UBE2W: variants seen among roughly 807,000 people sequenced by gnomAD.
UBE2W encodes the protein ubiquitin-conjugating enzyme E2 W.
UBE2W carries 18 observed loss-of-function variants against 27.2 expected under a neutral mutation model. That is an observed-to-expected ratio of 0.66 (90% CI 0.46 to 0.98). UBE2W has a LOEUF of 0.98. UBE2W is among the 50% of genes least tolerant of loss of function. The pLI is 0.00. For missense variants in UBE2W, 90 were observed against 180.2 expected (o/e 0.50, Z 2.87); for synonymous variants, 53 against 57.2 (o/e 0.93, Z 0.33).
At chr8:73,824,583 G>T (rs555388472) in intron 3 of UBE2W, among the ~76,000 whole-genome samples, 1 of 152,196 alleles carries the variant, frequency 6.6e-6, no homozygotes, top group Non-Finnish European at 1.5e-5. Flanking sequence ...ACAAGGGACC[G>T]GTGTGATGGA....
At chr8:73,821,648 A>G (rs879403360) in intron 3 of UBE2W, among the ~76,000 whole-genome samples, 2 of 151,652 alleles carry the variant, frequency 1.3e-5, no homozygotes, top group East Asian at 3.9e-4. Flanking sequence ...GCACCGTGAA[A>G]GGATGTAGGA....
At chr8:73,823,267 T>G (rs1809698669) in intron 3 of UBE2W, among the ~76,000 whole-genome samples, 1 of 152,174 alleles carries the variant, frequency 6.6e-6, no homozygotes, top group Non-Finnish European at 1.5e-5. Flanking sequence ...ACAGAAATAT[T>G]AAAGAAGAAA....
rs1263032113 is a variant in UBE2W at position 73,793,889 on chromosome 8, C to G, written c.*213G>C. On this transcript the variant is annotated 3_prime_UTR_variant, in exon 6 of 6. Transcript: ENST00000602593. ...ACATTTCCTGACACCTGCATTAATA[C>G]TGTATGACTAATAAAAGCATGTCAG... 12 of 1,393,740 alleles carry G rather than the reference C, an allele frequency of 8.6e-6. No homozygotes were observed. Among genetic ancestry groups the G allele is most frequent in the Admixed American group, 6.5e-5 (2 of 30,700 alleles). 86.3% of individuals were successfully genotyped at this position (1,393,740 alleles called of 1,614,324 possible).
chr8:73,843,163 G>A lies in UBE2W; in HGVS notation c.16-12691C>T, dbSNP rs1358287514. Among the ~76,000 whole-genome samples the A allele has an allele frequency of 4.6e-5, 7 of 152,168 alleles. No homozygotes were observed. In the South Asian group the frequency reaches 6.2e-4, roughly 14 times the overall value. On this transcript the variant is annotated intron_variant, in intron 1 of 5. Transcript: ENST00000602593. ...ATGGAAGGTAAGCTGGTGATTGCCAGGGGCTGGGGAAAGGAGAATGGAGAG... is the reference window on the plus strand; with the variant it reads ...ATGGAAGGTAAGCTGGTGATTGCCAAGGGCTGGGGAAAGGAGAATGGAGAG...
At chr8:73,838,532 G>A (rs1810402865) in intron 1 of UBE2W, among the ~76,000 whole-genome samples, 1 of 152,148 alleles carries the variant, frequency 6.6e-6, no homozygotes, top group Non-Finnish European at 1.5e-5. Flanking sequence ...TTAAGCCCAG[G>A]AATTCGAGAC....
chr8:73,842,479 A>G (rs1810578211), intron 1 of UBE2W, among the ~76,000 whole-genome samples: 1 of 133,544 alleles, frequency 7.5e-6, no homozygotes, highest in Non-Finnish European at 1.6e-5. Context: ...CAGTGAGCCG[A>G]GATGGTGCCA....
chr8:73,789,396 G>T lies in UBE2W; in HGVS notation c.*4706C>A, dbSNP rs1436774543. Reference sequence around the variant, plus strand: ...ACCTGTAGACTCAGCTACCCGGGAGGCAGGAGGATTGCTTGAGCCAAGGTG... The same window carrying T: ...ACCTGTAGACTCAGCTACCCGGGAGTCAGGAGGATTGCTTGAGCCAAGGTG... On this transcript the variant is annotated 3_prime_UTR_variant, in exon 6 of 6. Transcript: ENST00000602593. The T allele has an allele frequency of 6.2e-6, 1 of 161,998 alleles. No homozygotes were observed. 10.0% of individuals were successfully genotyped at this position (161,998 alleles called of 1,614,324 possible).
chr8:73,875,207 G>A (rs878933425), intron 1 of UBE2W, among the ~76,000 whole-genome samples: 3 of 152,252 alleles, frequency 2.0e-5, no homozygotes, highest in Admixed American at 2.0e-4. Flanking sequence ...AATTGTATAT[G>A]GCAGAACTCT....
At position 73,866,289 on chromosome 8, in the gene UBE2W, AAATATATATATATATATATAT is replaced by A. The variant is rs1417491980; in HGVS notation, c.15+12498_15+12518del. ...GGTCTAAAAAAAAAAAAAAAAAAAA[AAATATATATATATATATATAT>A]ATATATATACTCAGCAATATTTTAT... On this transcript the variant is annotated intron_variant, in intron 1 of 5. Transcript: ENST00000602593. Among the ~76,000 whole-genome samples, 142 of 88,890 alleles carry A rather than the reference AAATATATATATATATATATAT, an allele frequency of 1.6e-3. 2 individuals are homozygous for A. Among genetic ancestry groups the A allele is most frequent in the African/African-American group, 6.8e-3 (137 of 20,064 alleles). 58.3% of individuals were successfully genotyped at this position (88,890 alleles called of 152,430 possible).
In UBE2W at chr8:73,806,541, CAAAAA is replaced by C. The variant is rs58380487; in HGVS notation, c.367-820_367-816del. 5.8e-5 allele frequency among the ~76,000 whole-genome samples: 4 copies of C among 68,500 alleles called. No individual in the cohort carries two copies. In the East Asian group the frequency reaches 1.5e-3, roughly 26 times the overall value. The allele number at this position is 68,500 out of a possible 152,430, so 44.9% of individuals were successfully genotyped here. ...GGTGAAACCCTGTCTGCTAAAAATA[CAAAAA>C]AAAAAAAAAAAAAAATTAGCCGGGC... On this transcript the variant is annotated intron_variant, in intron 4 of 5. Coordinates refer to ENST00000602593, the MANE Select transcript of UBE2W (RefSeq NM_018299.6).
At chr8:73,800,461 T>A (rs981348390) in intron 5 of UBE2W, among the ~76,000 whole-genome samples, 3 of 151,564 alleles carry the variant, frequency 2.0e-5, no homozygotes, top group East Asian at 1.9e-4. Flanking sequence ...AAAAAAAAAA[T>A]TTATGTACCC....
chr8:73,786,878 G>A lies in UBE2W; in HGVS notation c.*7224C>T, dbSNP rs777988672. ...TGGGAATGTCATTAAATTATAACAG[G>A]ATAAAAGAAATATGTTTTCATTGAG... On this transcript the variant is annotated 3_prime_UTR_variant, in exon 6 of 6. Transcript: ENST00000602593. 32 of 985,320 alleles carry A rather than the reference G, an allele frequency of 3.2e-5. No individual in the cohort carries two copies. Among genetic ancestry groups the A allele is most frequent in the Non-Finnish European group, 3.9e-5 (32 of 829,872 alleles). 61.0% of individuals were successfully genotyped at this position (985,320 alleles called of 1,614,324 possible).
intron 1 of UBE2W, among the ~76,000 whole-genome samples, chr8:73,865,783 T>C (rs1035628893): frequency 3.9e-5 from 6 of 152,168 alleles, no homozygotes; most frequent in African/African-American, 1.4e-4. Flanking sequence ...TACAAAAGAC[T>C]ATTCTAATTT....
Position 73,787,432 on chromosome 8 carries a change from A to C in UBE2W, c.*6670T>G. The C allele has an allele frequency of 2.0e-6, 2 of 985,402 alleles. No individual in the cohort carries two copies. The highest frequency in any genetic ancestry group is 2.4e-6 in the Non-Finnish European group (2 of 829,916). The allele number at this position is 985,402 out of a possible 1,614,324, so 61.0% of individuals were successfully genotyped here. On this transcript the variant is annotated 3_prime_UTR_variant, in exon 6 of 6. Coordinates refer to ENST00000602593, the MANE Select transcript of UBE2W (RefSeq NM_018299.6). ...TAGAAATTAAGGATTATAATAAAGG[A>C]AAAGGGCATCATCAAAGTACAAAAG...
intron 1 of UBE2W, among the ~76,000 whole-genome samples, chr8:73,874,214 G>A (rs186515626): frequency 1.5e-3 from 231 of 151,898 alleles, no homozygotes; most frequent in Non-Finnish European, 2.3e-3. Context: ...GGCGGATCAC[G>A]AGGTCAGGAG....
downstream of UBE2W, among the ~76,000 whole-genome samples, chr8:73,782,767 TTTCTC>T (rs1269631681): frequency 1.3e-5 from 2 of 152,226 alleles, no homozygotes; most frequent in Non-Finnish European, 2.9e-5. Context: ...TATGCTTTCT[TTTCTC>T]TTGGGCAAAT....
Position 73,843,293 on chromosome 8 carries a change from G to A in UBE2W, c.16-12821C>T, listed in dbSNP as rs193135258. On this transcript the variant is annotated intron_variant, in intron 1 of 5. Coordinates refer to ENST00000602593, the MANE Select transcript of UBE2W (RefSeq NM_018299.6). The stretch of plus-strand genomic sequence containing the variant: ...ACAGAGTAAATAAATTTAAATTATC[G>A]AGTGTAGAAATGGGACTATTTTATG... Among the ~76,000 whole-genome samples, 48 of 152,180 alleles carry A rather than the reference G, an allele frequency of 3.2e-4. 2 individuals carry two copies. Among genetic ancestry groups the A allele is most frequent in the Admixed American group, 1.0e-3 (16 of 15,288 alleles).
intron 4 of UBE2W, 138 bp downstream of exon 4, chr8:73,810,336 C>A: frequency 3.3e-6 from 3 of 897,612 alleles, no homozygotes; most frequent in Non-Finnish European, 4.7e-6. Flanking sequence ...CAATTTATTA[C>A]TAAACATGAA....
intron 1 of UBE2W, among the ~76,000 whole-genome samples, chr8:73,860,526 T>A (rs1454377855): frequency 6.6e-6 from 1 of 152,106 alleles, no homozygotes; most frequent in Non-Finnish European, 1.5e-5. Flanking sequence ...AGACAAAGTG[T>A]CTTTATAATA....
Sources: gnomAD v4.1 joint callset for allele counts (sites outside exome capture counted in the v4.1 genomes callset) on GRCh38, gnomAD v4.1.1 for gene constraint, MANE v1.5 for transcripts, NCBI Gene and HGNC (gene_info 2026-07-23, HGNC 2026-07-21) for gene names.